The following TMEM140 variants were observed in gnomAD, a reference collection of about 807,000 sequenced individuals.
The protein encoded by TMEM140 is transmembrane protein 140.
For missense variants in TMEM140, 236 were observed against 228.5 expected, an observed-to-expected ratio of 1.03 and a Z score of -0.21; for synonymous variants, 107 against 106.8, an observed-to-expected ratio of 1.00 and a Z score of -0.01.
At chr7:135,162,459 G>C (rs1829967679) in intron 1 of TMEM140, among the ~76,000 whole-genome samples, 1 of 152,214 alleles carries the variant, frequency 6.6e-6, no homozygotes, top group Non-Finnish European at 1.5e-5. Context: ...GAGATACCCA[G>C]TAATTTGAAA....
rs755157807 is a variant in TMEM140 at position 135,165,023 on chromosome 7, C to G, written c.*24C>G. On this transcript the variant is annotated 3_prime_UTR_variant, in exon 2 of 2. Transcript: ENST00000275767. ...AAAGGCTTACGTGATTGCAAGGGTTCAGTTCCAACCATGGTCAGAGGTGGC... is the reference window on the plus strand; with the variant it reads ...AAAGGCTTACGTGATTGCAAGGGTTGAGTTCCAACCATGGTCAGAGGTGGC... 18 of 1,541,282 alleles carry G rather than the reference C, an allele frequency of 1.2e-5. No individual in the cohort carries two copies. The highest frequency in any genetic ancestry group is 1.5e-5 in the Non-Finnish European group (17 of 1,142,524).
chr7:135,155,307 G>A (rs10272137), intron 1 of TMEM140, among the ~76,000 whole-genome samples: 73,407 of 151,618 alleles, frequency 0.48, 18,073 homozygotes, highest in South Asian at 0.66. Flanking sequence ...TTTAAGTGGA[G>A]CATTTAATCC....
At chr7:135,153,654 C>T (rs1357040042) in intron 1 of TMEM140, among the ~76,000 whole-genome samples, 1 of 152,144 alleles carries the variant, frequency 6.6e-6, no homozygotes, top group Non-Finnish European at 1.5e-5. Context: ...TATTGATTTG[C>T]ATATGTTGAA....
At chr7:135,163,075 G>A (rs1000523240) in intron 1 of TMEM140, among the ~76,000 whole-genome samples, 15 of 152,180 alleles carry the variant, frequency 9.9e-5, no homozygotes, top group Non-Finnish European at 1.9e-4. Context: ...TTCACACAGC[G>A]TCTTCACTTA....
rs1829945524 is a variant in TMEM140, at chr7:135,161,773, C to G, written c.-24-2645C>G. ...CAGACCCTTGGCCCTCTGGGACCTC[C>G]AGAGCCTTTGACAGTGCCACCCAAG... On this transcript the variant is annotated intron_variant, in intron 1 of 1. Transcript: ENST00000275767. The surrounding 1 kb of genome is among the most constrained non-coding windows in gnomAD (Gnocchi z 4.1). 6.6e-6 allele frequency among the ~76,000 whole-genome samples: 1 copy of G among 152,216 alleles called. No homozygotes were observed. The highest frequency in any genetic ancestry group is 2.4e-5 in the African/African-American group (1 of 41,468).
chr7:135,153,586 T>C (rs916959673), intron 1 of TMEM140, among the ~76,000 whole-genome samples: 2 of 152,172 alleles, frequency 1.3e-5, no homozygotes, highest in Admixed American at 6.5e-5. Flanking sequence ...GAAAACAGTA[T>C]GGAGATTTCT....
Position 135,161,593 on chromosome 7 carries a change from T to C in TMEM140, c.-24-2825T>C, listed in dbSNP as rs115448464. On this transcript the variant is annotated intron_variant, in intron 1 of 1. Coordinates refer to ENST00000275767, the MANE Select transcript of TMEM140 (RefSeq NM_018295.5). The surrounding 1 kb of genome is among the most constrained non-coding windows in gnomAD (Gnocchi z 4.1). ...TAAATAAGCAAAACCATACAAAATA[T>C]GTTCCCGTCGGCAATTTTTCCCATA... 4.2e-4 allele frequency among the ~76,000 whole-genome samples: 64 copies of C among 152,340 alleles called. No individual in the cohort carries two copies. Among genetic ancestry groups the C allele is most frequent in the African/African-American group, 1.5e-3 (63 of 41,580 alleles).
intron 1 of TMEM140, among the ~76,000 whole-genome samples, chr7:135,150,474 G>A (rs549610370): frequency 1.3e-5 from 2 of 152,308 alleles, no homozygotes; most frequent in South Asian, 4.1e-4. Context: ...TGATTCCCCA[G>A]GGCCTCTGAT....
intron 1 of TMEM140, among the ~76,000 whole-genome samples, chr7:135,155,370 T>C (rs1302776848): frequency 1.3e-5 from 2 of 152,232 alleles, no homozygotes; most frequent in African/African-American, 4.8e-5. Context: ...TGTTATATTG[T>C]TTATTGTTTT....
At position 135,161,186 on chromosome 7, in the gene TMEM140, C is replaced by A. The variant is rs2117461453; in HGVS notation, c.-24-3232C>A. Among the ~76,000 whole-genome samples the A allele has an allele frequency of 6.6e-6, 1 of 152,290 alleles. No individual in the cohort carries two copies. The highest frequency in any genetic ancestry group is 6.5e-5 in the Admixed American group (1 of 15,298). ...TCTTGGCTCGTTTTGTTTTGCTCTA[C>A]ATTAAAAGGTCAGTTGAGAGAAAAT... On this transcript the variant is annotated intron_variant, in intron 1 of 1. Coordinates refer to ENST00000275767, the MANE Select transcript of TMEM140 (RefSeq NM_018295.5). This position sits in a 1 kb window ranked among gnomAD's most constrained non-coding sequence, Gnocchi z 4.1.
intron 1 of TMEM140, among the ~76,000 whole-genome samples, chr7:135,155,896 C>T (rs1025080144): frequency 2.6e-5 from 4 of 152,190 alleles, no homozygotes; most frequent in African/African-American, 9.7e-5. Context: ...GTTTAAGATC[C>T]TTTTGAGCAT....
intron 1 of TMEM140, among the ~76,000 whole-genome samples, chr7:135,158,291 T>C (rs532789779): frequency 6.6e-6 from 1 of 152,336 alleles, no homozygotes; most frequent in South Asian, 2.1e-4. Flanking sequence ...TAGATGTGCA[T>C]AGGACAGCCT....
At position 135,148,075 on chromosome 7, in the gene TMEM140, G is replaced by A. The variant is rs777077108; in HGVS notation, c.-220G>A. Reference sequence around the variant, plus strand: ...CAGAACAAATGTACCAAAGTTCAGAGAGCTGTTTACTAGGCACGACTGCGA... The same window carrying A: ...CAGAACAAATGTACCAAAGTTCAGAAAGCTGTTTACTAGGCACGACTGCGA... On this transcript the variant is annotated 5_prime_UTR_variant, in exon 1 of 2. Coordinates refer to ENST00000275767, the MANE Select transcript of TMEM140 (RefSeq NM_018295.5). The A allele has an allele frequency of 6.6e-6, 3 of 456,220 alleles. No individual in the cohort carries two copies. The highest frequency in any genetic ancestry group is 4.6e-5 in the South Asian group (3 of 64,564). The allele number at this position is 456,220 out of a possible 1,614,324, so 28.3% of individuals were successfully genotyped here.
At position 135,164,687 on chromosome 7, in the gene TMEM140, G is replaced by C. The variant is rs755720350; in HGVS notation, c.246G>C (p.Leu82=). The change falls in exon 2 of 2, where the codon CTG becomes CTC. Residue 82 remains leucine (L), a synonymous_variant. Coordinates refer to ENST00000275767, the MANE Select transcript of TMEM140 (RefSeq NM_018295.5). ...ALGVPRVGLG[L]ARLGVYGSLV... ...GGGTGCCTCGGGTTGGCCTGGGCCT[G>C]GCCAGGCTTGGCGTGTACGGGTCCC... is the stretch of plus-strand genomic sequence containing the variant. 1 of 1,614,042 alleles carries C rather than the reference G, an allele frequency of 6.2e-7. No homozygotes were observed. Among genetic ancestry groups the C allele is most frequent in the Non-Finnish European group, 8.5e-7 (1 of 1,179,906 alleles).
chr7:135,154,061 G>A (rs1829727923), intron 1 of TMEM140, among the ~76,000 whole-genome samples: 1 of 151,990 alleles, frequency 6.6e-6, no homozygotes. Flanking sequence ...TCAATCTTGG[G>A]GGATTTTGTG....
At chr7:135,157,682 AG>A (rs1252455891) in intron 1 of TMEM140, among the ~76,000 whole-genome samples, 2 of 152,206 alleles carry the variant, frequency 1.3e-5, no homozygotes, top group Non-Finnish European at 2.9e-5. Context: ...GGATCCAAGC[AG>A]TCCATGTTGG....
chr7:135,161,693 C>T lies in TMEM140; in HGVS notation c.-24-2725C>T, dbSNP rs140861694. 8.2e-4 allele frequency among the ~76,000 whole-genome samples: 125 copies of T among 152,298 alleles called. 1 individual carries two copies. The highest frequency in any genetic ancestry group is 3.4e-3 in the Middle Eastern group (1 of 294). On this transcript the variant is annotated intron_variant, in intron 1 of 1. Transcript: ENST00000275767. This position sits in a 1 kb window ranked among gnomAD's most constrained non-coding sequence, Gnocchi z 4.1. Reference sequence around the variant, plus strand: ...CTTTTCAATTCCCAATAATTCCTTCCGTAACAAGCATCATTGCTCCAAGAA... The same window carrying T: ...CTTTTCAATTCCCAATAATTCCTTCTGTAACAAGCATCATTGCTCCAAGAA...
Position 135,164,947 on chromosome 7 carries a change from C to T in TMEM140, c.506C>T (p.Ala169Val). 1.2e-6 allele frequency: 2 copies of T among 1,611,786 alleles called. No individual in the cohort carries two copies. The highest frequency in any genetic ancestry group is 1.7e-6 in the Non-Finnish European group (2 of 1,178,336). Residue 169 changes from alanine to valine, a missense_variant, in exon 2 of 2, where the codon GCT (alanine) becomes GTT (valine). Physicochemically the swap from Ala to Val is moderately conservative, Grantham distance 64. Coordinates refer to ENST00000275767, the MANE Select transcript of TMEM140 (RefSeq NM_018295.5). ...CTCATCCTCTTGCTTATAGCCATGG[C>T]TGTGTTCCCTCTGAGGGCTGAGAGG... ...ALLILLLIAM[A>V]VFPLRAERAE...
Position 135,161,464 on chromosome 7 carries a change from C to G in TMEM140, c.-24-2954C>G, listed in dbSNP as rs1829936047. Among the ~76,000 whole-genome samples, 1 of 152,140 alleles carries G rather than the reference C, an allele frequency of 6.6e-6. No homozygotes were observed. Among genetic ancestry groups the G allele is most frequent in the Admixed American group, 6.5e-5 (1 of 15,284 alleles). The stretch of plus-strand genomic sequence containing the variant: ...ATGGAGGAGGTCAAACCTTCTTTTC[C>G]ACAGCATGATGGTATAAATCAGGGA... On this transcript the variant is annotated intron_variant, in intron 1 of 1. Coordinates refer to ENST00000275767, the MANE Select transcript of TMEM140 (RefSeq NM_018295.5). The surrounding 1 kb of genome is among the most constrained non-coding windows in gnomAD (Gnocchi z 4.1).
Sources: allele counts gnomAD v4.1 joint callset (sites outside exome capture counted in the v4.1 genomes callset), GRCh38; gene constraint gnomAD v4.1.1; non-coding constraint Gnocchi (gnomAD v3.1); transcripts MANE v1.5; gene names NCBI Gene and HGNC (gene_info 2026-07-23, HGNC 2026-07-21).